DMD: variants seen among roughly 807,000 people sequenced by gnomAD.
The protein encoded by DMD is dystrophin.
Under a neutral mutation model 330.1 loss-of-function variants are expected in DMD, and 63 were observed. The ratio of observed to expected loss-of-function variants is 0.19; its 90% CI spans 0.16 to 0.24. The LOEUF (loss-of-function observed/expected upper bound fraction) is 0.24, where lower values mean the gene tolerates loss of function less well. Ranked by LOEUF, DMD falls within the 10% of genes least tolerant of loss-of-function variation. DMD has a pLI of 1.00. For synonymous variants in DMD, 1,223 were observed against 959.8 expected (o/e 1.27, Z -5.07); for missense variants, 3,344 against 2,684.1 (o/e 1.25, Z -5.43).
intron 59 of DMD, among the ~76,000 whole-genome samples, chrX:31,469,000 T>C (rs146344323): frequency 0.012 from 1,329 of 111,426 alleles, 13 homozygotes; most frequent in Middle Eastern, 0.055. Flanking sequence ...CTGCTTTTTT[T>C]TTCTTTCCAT....
intron 18 of DMD, among the ~76,000 whole-genome samples, chrX:32,505,979 T>C (rs762125580): frequency 2.7e-5 from 3 of 112,335 alleles, no homozygotes; most frequent in Non-Finnish European, 5.6e-5. Context: ...GGTAAAACTA[T>C]GTAAACTACA....
intron 41 of DMD, among the ~76,000 whole-genome samples, chrX:32,335,613 A>G (rs1243111499): frequency 9.4e-6 from 1 of 106,246 alleles, no homozygotes; most frequent in Admixed American, 1.0e-4. Flanking sequence ...ACATTATAAA[A>G]CAAACATGTT....
chrX:32,336,071 G>T (rs986126580), intron 41 of DMD, among the ~76,000 whole-genome samples: 2 of 104,721 alleles, frequency 1.9e-5, no homozygotes, highest in Non-Finnish European at 3.9e-5. Context: ...TATAACGTGT[G>T]TATAACATGT....
rs1261772955 is a variant in DMD at position 32,491,346 on chromosome X, G to A, written c.2553C>T (p.Asn851=). The A allele has an allele frequency of 8.3e-7, 1 of 1,210,751 alleles. No homozygotes were observed. Among genetic ancestry groups the A allele is most frequent in the South Asian group, 1.8e-5 (1 of 56,972 alleles). The change falls in exon 20 of 79, where the codon AAC becomes AAT. Residue 851 remains asparagine, a synonymous_variant. Coordinates refer to ENST00000357033, the MANE Select transcript of DMD (RefSeq NM_004006.3). ...GGGTGGTGGGTTGGATTTTCAACCA[G>A]TTTTCAGCAGTAGTTGTCATCTGCT... ...QLEQMTTTAE[N]WLKIQPTTPS... is the part of the protein sequence containing the mutation.
intron 1 of DMD, among the ~76,000 whole-genome samples, chrX:33,281,357 C>T: frequency 9.1e-6 from 1 of 110,116 alleles, no homozygotes; most frequent in East Asian, 2.9e-4. Context: ...TACAGGCACA[C>T]ACCATCATGC....
At chrX:31,309,501 T>C (rs906509097) in intron 62 of DMD, among the ~76,000 whole-genome samples, 1 of 111,851 alleles carries the variant, frequency 8.9e-6, no homozygotes. Context: ...ATCCTCCTTT[T>C]TTTCCCCTCT....
At chrX:31,202,708 T>C (rs1226915784) in intron 67 of DMD, among the ~76,000 whole-genome samples, 2 of 111,680 alleles carry the variant, frequency 1.8e-5, no homozygotes, top group Non-Finnish European at 3.8e-5. Context: ...GTTAATAGAA[T>C]TAGAATGGAT....
At chrX:32,750,363 G>A (rs16990621) in intron 7 of DMD, among the ~76,000 whole-genome samples, 5,733 of 111,615 alleles carry the variant, frequency 0.051, 330 homozygotes, top group African/African-American at 0.17. Flanking sequence ...GAAGTTAGGC[G>A]AAATTTGATT....
chrX:32,916,443 A>G (rs990562894), intron 2 of DMD, among the ~76,000 whole-genome samples: 2 of 112,023 alleles, frequency 1.8e-5, no homozygotes, highest in Non-Finnish European at 3.8e-5. Context: ...AATATAAATC[A>G]TATAAAACTC....
intron 7 of DMD, among the ~76,000 whole-genome samples, chrX:32,744,161 A>G (rs1386753899): frequency 9.1e-6 from 1 of 110,066 alleles, no homozygotes; most frequent in African/African-American, 3.3e-5. Flanking sequence ...CATTTCTGCA[A>G]CCATCTTCTA....
intron 2 of DMD, among the ~76,000 whole-genome samples, chrX:33,014,820 T>G (rs1412053658): frequency 9.4e-6 from 1 of 106,592 alleles, no homozygotes. Flanking sequence ...GAATATTTTG[T>G]GTTTATATGA....
intron 42 of DMD, among the ~76,000 whole-genome samples, chrX:32,299,211 A>G (rs1212554134): frequency 9.1e-6 from 1 of 110,205 alleles, no homozygotes; most frequent in African/African-American, 3.3e-5. Context: ...CTGAACACAA[A>G]TATCTCCTTA....
intron 54 of DMD, among the ~76,000 whole-genome samples, chrX:31,636,176 G>A (rs903931449): frequency 3.6e-5 from 4 of 110,844 alleles, no homozygotes; most frequent in Admixed American, 1.9e-4. Flanking sequence ...AACAACAGAC[G>A]TGGAAGCCTA....
intron 1 of DMD, among the ~76,000 whole-genome samples, chrX:33,187,154 A>G (rs1218634541): frequency 8.9e-6 from 1 of 112,317 alleles, no homozygotes; most frequent in African/African-American, 3.2e-5. Context: ...TATGATTTAC[A>G]TTGCTTACAG....
intron 50 of DMD, among the ~76,000 whole-genome samples, chrX:31,775,309 C>T (rs953709628): frequency 4.5e-5 from 5 of 110,988 alleles, no homozygotes; most frequent in African/African-American, 1.6e-4. Flanking sequence ...TTTTTATAAA[C>T]GCCTGGCTAG....
At chrX:32,763,082 A>AC (rs1381886822) in intron 7 of DMD, among the ~76,000 whole-genome samples, 3 of 111,582 alleles carry the variant, frequency 2.7e-5, no homozygotes, top group African/African-American at 9.8e-5. Context: ...CAGGAGTGCT[A>AC]CCGCTGTACA....
rs928668254 is a variant in DMD, at chrX:32,311,747, A to T, written c.5923-1471T>A. 5.4e-5 allele frequency among the ~76,000 whole-genome samples: 6 copies of T among 111,865 alleles called. No individual in the cohort carries two copies. In the South Asian group the frequency reaches 2.2e-3, roughly 41 times the overall value. On this transcript the variant is annotated intron_variant, in intron 41 of 78. Coordinates refer to ENST00000357033, the MANE Select transcript of DMD (RefSeq NM_004006.3). ...TTAACAGATTTCTTAAGAAATTCTT[A>T]ATTTCACTATTTCATCATAAGCATT... is the stretch of plus-strand genomic sequence containing the variant.
intron 2 of DMD, among the ~76,000 whole-genome samples, chrX:32,957,975 A>C (rs1440531399): frequency 8.9e-6 from 1 of 112,060 alleles, no homozygotes; most frequent in African/African-American, 3.2e-5. Context: ...TAAATGCAGA[A>C]ATCACTATAA....
At chrX:32,680,767 C>G (rs780727130) in intron 9 of DMD, among the ~76,000 whole-genome samples, 24 of 110,058 alleles carry the variant, frequency 2.2e-4, no homozygotes, top group African/African-American at 7.0e-4. Context: ...AACTCTCCTT[C>G]CACCCACCCC....
Sources: allele counts gnomAD v4.1 joint callset (sites outside exome capture counted in the v4.1 genomes callset), GRCh38; gene constraint gnomAD v4.1.1; transcripts MANE v1.5; gene names NCBI Gene and HGNC (gene_info 2026-07-23, HGNC 2026-07-21).